Variants in MTUS2 observed in about 807,000 individuals in gnomAD.
MTUS2 encodes the protein microtubule associated scaffold protein 2.
A neutral mutation model predicts 114.1 loss-of-function variants in MTUS2; 40 were observed. That is an observed-to-expected ratio of 0.35 (90% CI 0.27 to 0.46). The LOEUF (loss-of-function observed/expected upper bound fraction) is 0.46, where lower values mean the gene tolerates loss of function less well. Among genes scored for constraint, MTUS2 ranks in the 20% least tolerant of loss-of-function variants. The probability of loss-of-function intolerance (pLI) is 1.00; values close to 1 mark genes in which losing one functional copy is unlikely to be tolerated. For synonymous variants in MTUS2, 688 were observed against 672.0 expected (o/e 1.02, Z -0.37); for missense variants, 1,679 against 1,705.4 (o/e 0.98, Z 0.27).
intron 5 of MTUS2, among the ~76,000 whole-genome samples, chr13:29,201,305 T>C (rs1179264990): frequency 6.6e-6 from 1 of 152,144 alleles, no homozygotes; most frequent in Non-Finnish European, 1.5e-5. Context: ...GTTTAAAGTC[T>C]GTTTTGTCAT....
intron 4 of MTUS2, among the ~76,000 whole-genome samples, chr13:29,059,228 A>ATTTTTTTTTTTTTTTTT (rs35369352): frequency 1.2e-3 from 116 of 97,110 alleles, no homozygotes; most frequent in East Asian, 7.9e-3. Context: ...TATTCTTTGG[A>ATTTTTTTTTTTTTTTTT]TTTTTTTTTT....
intron 8 of MTUS2, among the ~76,000 whole-genome samples, chr13:29,437,159 T>A (rs1709131555): frequency 6.6e-6 from 1 of 152,172 alleles, no homozygotes; most frequent in Admixed American, 6.5e-5. Context: ...GGGGGAGATG[T>A]TGGCTTTCAG....
At chr13:29,080,715 A>G (rs1355243059) in intron 4 of MTUS2, among the ~76,000 whole-genome samples, 1 of 151,524 alleles carries the variant, frequency 6.6e-6, no homozygotes, top group Non-Finnish European at 1.5e-5. Context: ...TCAAATGTTA[A>G]TCTCTCTCTC....
chr13:29,381,655 C>G (rs113287622), intron 8 of MTUS2, among the ~76,000 whole-genome samples: 2 of 152,150 alleles, frequency 1.3e-5, no homozygotes, highest in Non-Finnish European at 2.9e-5. Context: ...CAAGGTCATT[C>G]CAACATCAAA....
At chr13:29,059,938 A>C (rs1045967656) in intron 4 of MTUS2, among the ~76,000 whole-genome samples, 3 of 152,236 alleles carry the variant, frequency 2.0e-5, no homozygotes, top group African/African-American at 2.4e-5. Context: ...GTTTCCACAG[A>C]AGCAGCACTC....
rs141352071 is a variant in MTUS2, at chr13:28,942,274, TGA to T, written c.-242-82180_-242-82179del. Reference sequence around the variant, plus strand: ...TCAGGGAAATGCAACGAAACCACAATGAGATACCAGCACCCTGCCACTCCCCA... The same window carrying T: ...TCAGGGAAATGCAACGAAACCACAATGATACCAGCACCCTGCCACTCCCCA... On this transcript the variant is annotated intron_variant, in intron 2 of 15. Coordinates refer to ENST00000612955, the MANE Select transcript of MTUS2 (RefSeq NM_001033602.4). Among the ~76,000 whole-genome samples, 49 of 151,978 alleles carry T rather than the reference TGA, an allele frequency of 3.2e-4. No individual in the cohort carries two copies. The East Asian group carries it at 9.1e-3, about 28-fold the overall frequency.
intron 2 of MTUS2, among the ~76,000 whole-genome samples, chr13:28,981,882 T>G (rs1884374993): frequency 6.6e-6 from 1 of 152,158 alleles, no homozygotes; most frequent in Non-Finnish European, 1.5e-5. Context: ...ACCCCGAGGC[T>G]CAAGTGGGTA....
intron 4 of MTUS2, among the ~76,000 whole-genome samples, chr13:29,085,646 C>G (rs1421201033): frequency 6.6e-6 from 1 of 152,164 alleles, no homozygotes; most frequent in Non-Finnish European, 1.5e-5. Flanking sequence ...GTGTAGTATT[C>G]CATGGTGTAT....
At chr13:29,073,159 T>G (rs1336234581) in intron 4 of MTUS2, among the ~76,000 whole-genome samples, 7 of 152,198 alleles carry the variant, frequency 4.6e-5, no homozygotes, top group Non-Finnish European at 8.8e-5. Context: ...CAAACAGAAG[T>G]GCAAATGCAG....
intron 4 of MTUS2, among the ~76,000 whole-genome samples, chr13:29,082,891 G>A (rs978676425): frequency 6.6e-6 from 1 of 152,064 alleles, no homozygotes; most frequent in African/African-American, 2.4e-5. Context: ...CATGAGAGGA[G>A]GTTACTAAAG....
At chr13:28,929,619 G>T (rs1881506480) in intron 2 of MTUS2, among the ~76,000 whole-genome samples, 1 of 152,170 alleles carries the variant, frequency 6.6e-6, no homozygotes, top group Non-Finnish European at 1.5e-5. Context: ...AGTCCACACT[G>T]CATTCAGGGA....
chr13:28,847,036 G>A (rs1405046138), intron 2 of MTUS2, among the ~76,000 whole-genome samples: 1 of 152,186 alleles, frequency 6.6e-6, no homozygotes, highest in Non-Finnish European at 1.5e-5. Flanking sequence ...ACAGAGGGCT[G>A]GGTTCATTGT....
intron 7 of MTUS2, among the ~76,000 whole-genome samples, chr13:29,326,526 T>TA (rs1351583949): frequency 1.3e-5 from 2 of 151,390 alleles, no homozygotes; most frequent in Non-Finnish European, 2.9e-5. Context: ...AATGAGGGGT[T>TA]AAAAAAAATT....
Position 29,503,173 on chromosome 13 carries a change from C to A in MTUS2, c.4077C>A (p.Ser1359=). 1.2e-6 allele frequency: 2 copies of A among 1,614,144 alleles called. No individual in the cohort carries two copies. Among genetic ancestry groups the A allele is most frequent in the Non-Finnish European group, 1.7e-6 (2 of 1,180,052 alleles). Reference sequence around the variant, plus strand: ...ACCGCGGCTCCTCCTCGGGGCCCTCCTCTCCGGCCAGAGTCAGCACAACAC... The same window carrying A: ...ACCGCGGCTCCTCCTCGGGGCCCTCATCTCCGGCCAGAGTCAGCACAACAC... ...PVYRGSSSGP[S]SPARVSTTPR The change falls in exon 16 of 16, where the codon TCC becomes TCA. Residue 1359 remains serine (S), a synonymous_variant. Transcript: ENST00000612955.
At chr13:29,461,481 C>T (rs1250295085) in intron 9 of MTUS2, among the ~76,000 whole-genome samples, 4 of 152,194 alleles carry the variant, frequency 2.6e-5, no homozygotes, top group Non-Finnish European at 5.9e-5. Context: ...TACAAAGATA[C>T]ATACAAATAC....
chr13:28,861,902 C>G (rs1288029396), intron 2 of MTUS2, among the ~76,000 whole-genome samples: 3 of 152,104 alleles, frequency 2.0e-5, no homozygotes, highest in Admixed American at 6.5e-5. Context: ...CCTGGGAACC[C>G]CCATACGCTC....
At chr13:29,093,890 G>A (rs1377498575) in intron 4 of MTUS2, among the ~76,000 whole-genome samples, 2 of 152,066 alleles carry the variant, frequency 1.3e-5, no homozygotes, top group African/African-American at 2.4e-5. Flanking sequence ...TTTCCAATAA[G>A]CCCTTATAAG....
At chr13:29,029,186 A>G (rs1886699881) in intron 3 of MTUS2, among the ~76,000 whole-genome samples, 1 of 152,166 alleles carries the variant, frequency 6.6e-6, no homozygotes, top group Non-Finnish European at 1.5e-5. Context: ...ATTATAACGG[A>G]CTTCCTACCT....
intron 8 of MTUS2, among the ~76,000 whole-genome samples, chr13:29,380,317 A>G (rs1266147692): frequency 6.6e-6 from 1 of 152,258 alleles, no homozygotes; most frequent in Non-Finnish European, 1.5e-5. Context: ...TCTCAGTGAC[A>G]TTACAGAATA....
Sources: gnomAD v4.1 joint callset for allele counts (sites outside exome capture counted in the v4.1 genomes callset) on GRCh38, gnomAD v4.1.1 for gene constraint, MANE v1.5 for transcripts, NCBI Gene and HGNC (gene_info 2026-07-23, HGNC 2026-07-21) for gene names.